CAMKMT: variants seen among roughly 807,000 people sequenced by gnomAD.
CAMKMT encodes CaM KMT.
CAMKMT carries 53 observed loss-of-function variants against 48.0 expected under a neutral mutation model. The observed-to-expected ratio is 1.10, with a 90% CI of 0.89 to 1.39. The LOEUF is 1.39. Ranked by LOEUF, CAMKMT falls within the 40% of genes most tolerant of loss-of-function variation. The pLI is 0.00. For synonymous variants in CAMKMT, 165 were observed against 152.3 expected, an observed-to-expected ratio of 1.08 and a Z score of -0.61; for missense variants, 428 against 402.7, an observed-to-expected ratio of 1.06 and a Z score of -0.54.
chr2:44,667,406 C>T (rs1460242031), intron 3 of CAMKMT, among the ~76,000 whole-genome samples: 5 of 152,230 alleles, frequency 3.3e-5, no homozygotes, highest in African/African-American at 4.8e-5. Context: ...CCTACTGTGG[C>T]TCCACCTTGC....
chr2:44,768,362 T>TATATATATATATATATATATATATA (rs1491157479), intron 10 of CAMKMT, among the ~76,000 whole-genome samples: 2 of 74,300 alleles, frequency 2.7e-5, no homozygotes, highest in Non-Finnish European at 5.0e-5. Flanking sequence ...TATATATATA[T>TATATATATATATATATATATATATA]TTTTTTTTTT....
chr2:44,760,630 GAGTT>G (rs1680579822), intron 9 of CAMKMT, among the ~76,000 whole-genome samples: 1 of 145,972 alleles, frequency 6.9e-6, no homozygotes, highest in Non-Finnish European at 1.5e-5. Flanking sequence ...AAAAAAAAAA[GAGTT>G]AGGAATGGCC....
intron 2 of CAMKMT, among the ~76,000 whole-genome samples, chr2:44,375,828 C>T (rs1274851216): frequency 1.3e-5 from 2 of 151,870 alleles, no homozygotes; most frequent in African/African-American, 2.4e-5. Flanking sequence ...ATCTGTCACC[C>T]AGGCTGGAGT....
chr2:44,573,869 A>G (rs907609330), intron 3 of CAMKMT, among the ~76,000 whole-genome samples: 15 of 152,216 alleles, frequency 9.9e-5, no homozygotes, highest in African/African-American at 3.6e-4. Context: ...GTATCCACAT[A>G]TGTAAGTATG....
rs1052771992 is a variant in CAMKMT at position 44,657,704 on chromosome 2, G to T, written c.377-46579G>T. On this transcript the variant is annotated intron_variant, in intron 3 of 10. Coordinates refer to ENST00000378494, the MANE Select transcript of CAMKMT (RefSeq NM_024766.5). This position sits in a 1 kb window ranked among gnomAD's most constrained non-coding sequence, Gnocchi z 4.3. Reference sequence around the variant, plus strand: ...GTTGTTCAAAATACATCTTTGCCAGGTACATGCTTACTACTTTGTAGATTT... The same window carrying T: ...GTTGTTCAAAATACATCTTTGCCAGTTACATGCTTACTACTTTGTAGATTT... 3.9e-5 allele frequency among the ~76,000 whole-genome samples: 6 copies of T among 152,084 alleles called. No individual in the cohort carries two copies. The highest frequency in any genetic ancestry group is 1.3e-4 in the Admixed American group (2 of 15,256).
In CAMKMT at chr2:44,553,594, C is replaced by T. The variant is rs139028934; in HGVS notation, c.377-150689C>T. 3.1e-3 allele frequency among the ~76,000 whole-genome samples: 465 copies of T among 152,282 alleles called. 2 individuals are homozygous for T. Among genetic ancestry groups the T allele is most frequent in the African/African-American group, 0.011 (438 of 41,560 alleles). On this transcript the variant is annotated intron_variant, in intron 3 of 10. Transcript: ENST00000378494. The stretch of plus-strand genomic sequence containing the variant: ...CAGGCTGATCTCGAATTCCTGGCCT[C>T]AAGCCATCTACCCAACTCAGCTTCC...
At chr2:44,517,574 A>G (rs891935355) in intron 3 of CAMKMT, among the ~76,000 whole-genome samples, 4 of 152,232 alleles carry the variant, frequency 2.6e-5, no homozygotes, top group African/African-American at 9.6e-5. Context: ...CTTGAAGAGT[A>G]TAGTGAGGAC....
At chr2:44,437,014 C>T (rs1015732767) in intron 3 of CAMKMT, among the ~76,000 whole-genome samples, 5 of 151,958 alleles carry the variant, frequency 3.3e-5, no homozygotes, top group African/African-American at 1.2e-4. Flanking sequence ...TTATAACATA[C>T]CATTTTAGTT....
At chr2:44,699,511 A>G (rs1166224330) in intron 3 of CAMKMT, among the ~76,000 whole-genome samples, 3 of 152,220 alleles carry the variant, frequency 2.0e-5, no homozygotes, top group African/African-American at 7.2e-5. Context: ...TCAGTAAACC[A>G]TGCTATAAAC....
chr2:44,405,194 T>G (rs1682697186), intron 3 of CAMKMT, among the ~76,000 whole-genome samples: 1 of 152,080 alleles, frequency 6.6e-6, no homozygotes, highest in African/African-American at 2.4e-5. Context: ...TAATCCCACT[T>G]TTGGGTGTCA....
chr2:44,772,002 C>A, intron 10 of CAMKMT, 34 bp from the exon 11 acceptor site: 2 of 1,434,614 alleles, frequency 1.4e-6, no homozygotes, highest in Non-Finnish European at 2.0e-6. Context: ...TAATTGGAGT[C>A]CCCTTACCTT....
At chr2:44,472,838 A>G (rs1265630508) in intron 3 of CAMKMT, among the ~76,000 whole-genome samples, 1 of 152,256 alleles carries the variant, frequency 6.6e-6, no homozygotes, top group Non-Finnish European at 1.5e-5. Flanking sequence ...AAATATATTT[A>G]TTTAGATACA....
intron 3 of CAMKMT, among the ~76,000 whole-genome samples, chr2:44,509,117 C>G (rs1670408893): frequency 6.8e-6 from 1 of 147,052 alleles, no homozygotes; most frequent in East Asian, 2.1e-4. Flanking sequence ...AATTATATGT[C>G]TTAAATTCCT....
At chr2:44,404,918 G>T (rs1230565634) in intron 3 of CAMKMT, among the ~76,000 whole-genome samples, 3 of 152,030 alleles carry the variant, frequency 2.0e-5, no homozygotes, top group Non-Finnish European at 4.4e-5. Flanking sequence ...ATAAATGCTG[G>T]TGGTTACTAT....
chr2:44,600,146 T>C (rs568376152), intron 3 of CAMKMT, among the ~76,000 whole-genome samples: 3 of 152,264 alleles, frequency 2.0e-5, no homozygotes, highest in African/African-American at 4.8e-5. Flanking sequence ...GGAAAAGATA[T>C]TGATCTTTTT....
chr2:44,487,773 A>G (rs1289098736), intron 3 of CAMKMT, among the ~76,000 whole-genome samples: 2 of 152,242 alleles, frequency 1.3e-5, no homozygotes, highest in Non-Finnish European at 2.9e-5. Flanking sequence ...AAGGCCCCTA[A>G]TTTAGAAATT....
At chr2:44,738,449 A>T (rs771195403) in intron 7 of CAMKMT, among the ~76,000 whole-genome samples, 1 of 152,246 alleles carries the variant, frequency 6.6e-6, no homozygotes, top group Non-Finnish European at 1.5e-5. Context: ...AGTGGACTTC[A>T]TATCTAGCTA....
intron 2 of CAMKMT, among the ~76,000 whole-genome samples, chr2:44,382,130 C>T (rs1224692527): frequency 5.9e-5 from 9 of 151,878 alleles, no homozygotes; most frequent in Admixed American, 5.9e-4. Context: ...TTAGTAGAGA[C>T]AGGGTTTCAC....
At chr2:44,739,755 G>T (rs1005204470) in intron 7 of CAMKMT, among the ~76,000 whole-genome samples, 1 of 152,128 alleles carries the variant, frequency 6.6e-6, no homozygotes, top group African/African-American at 2.4e-5. Flanking sequence ...AGAGGAATTG[G>T]CAACAGAGCG....
Sources: allele counts gnomAD v4.1 joint callset (sites outside exome capture counted in the v4.1 genomes callset), GRCh38; gene constraint gnomAD v4.1.1; non-coding constraint Gnocchi (gnomAD v3.1); transcripts MANE v1.5; gene names NCBI Gene and HGNC (gene_info 2026-07-23, HGNC 2026-07-21).